The following GATAD2B variants were observed in gnomAD, a reference collection of about 807,000 sequenced individuals.
GATAD2B encodes GATA zinc finger domain containing 2B, also known as transcriptional repressor p66-beta.
A neutral mutation model predicts 64.3 loss-of-function variants in GATAD2B; 8 were observed. The observed-to-expected ratio is 0.12, with a 90% CI of 0.07 to 0.22. GATAD2B has a LOEUF of 0.22. Among genes scored for constraint, GATAD2B ranks in the 10% least tolerant of loss-of-function variants. The probability of loss-of-function intolerance (pLI) is 1.00; values close to 1 mark genes in which losing one functional copy is unlikely to be tolerated. For synonymous variants in GATAD2B, 281 were observed against 271.3 expected (o/e 1.04, Z -0.35); for missense variants, 453 against 752.0 (o/e 0.60, Z 4.65).
intron 1 of GATAD2B, among the ~76,000 whole-genome samples, chr1:153,837,349 A>G (rs968044981): frequency 7.3e-6 from 1 of 137,324 alleles, no homozygotes. Context: ...CAACAAAAAC[A>G]AACAAAAAAC....
chr1:153,870,313 G>C (rs1025091847), intron 1 of GATAD2B, among the ~76,000 whole-genome samples: 1 of 152,134 alleles, frequency 6.6e-6, no homozygotes, highest in Admixed American at 6.6e-5. Flanking sequence ...GCTCACGCCT[G>C]TAATTCCAGC....
intron 2 of GATAD2B, among the ~76,000 whole-genome samples, chr1:153,825,714 G>A (rs969524938): frequency 3.3e-5 from 5 of 152,110 alleles, no homozygotes; most frequent in Admixed American, 1.3e-4. Flanking sequence ...GTGAGCCACC[G>A]CTTACTAAGA....
At chr1:153,863,537 T>C (rs1676382774) in intron 1 of GATAD2B, among the ~76,000 whole-genome samples, 1 of 150,048 alleles carries the variant, frequency 6.7e-6, no homozygotes, top group African/African-American at 2.4e-5. Context: ...AACAGGAAAG[T>C]AAGCAATCTA....
chr1:153,833,990 GT>G (rs375520483), intron 1 of GATAD2B, among the ~76,000 whole-genome samples: 3 of 147,358 alleles, frequency 2.0e-5, no homozygotes, highest in Admixed American at 6.8e-5. Flanking sequence ...TTTTTTTTAT[GT>G]TTTTTTTTGG....
At chr1:153,818,019 A>T (rs72694221) in intron 5 of GATAD2B, 21 bp downstream of exon 5, 39 of 1,569,358 alleles carry the variant, frequency 2.5e-5, no homozygotes, top group Non-Finnish European at 3.2e-5. Flanking sequence ...CAACACTAAG[A>T]TCCCACTATG....
intron 1 of GATAD2B, among the ~76,000 whole-genome samples, chr1:153,902,452 A>G (rs1305395520): frequency 6.6e-6 from 1 of 152,016 alleles, no homozygotes; most frequent in Non-Finnish European, 1.5e-5. Flanking sequence ...TAGTATTATA[A>G]TTATTGTATT....
At chr1:153,878,245 T>C (rs968008108) in intron 1 of GATAD2B, among the ~76,000 whole-genome samples, 83 of 151,528 alleles carry the variant, frequency 5.5e-4, no homozygotes, top group African/African-American at 1.9e-3. Flanking sequence ...CATGGCTCAC[T>C]GCAGCCTCCC....
intron 1 of GATAD2B, among the ~76,000 whole-genome samples, chr1:153,896,131 G>C (rs1677586985): frequency 6.6e-6 from 1 of 152,050 alleles, no homozygotes; most frequent in South Asian, 2.1e-4. Flanking sequence ...CTGCACTCCA[G>C]CCTGGGCAAC....
rs115019619 is a variant in GATAD2B at position 153,897,636 on chromosome 1, G to A, written c.-2+25097C>T. 1.4e-3 allele frequency among the ~76,000 whole-genome samples: 214 copies of A among 152,188 alleles called. 1 individual carries two copies. The highest frequency in any genetic ancestry group is 4.9e-3 in the African/African-American group (202 of 41,526). On this transcript the variant is annotated intron_variant, in intron 1 of 10. Transcript: ENST00000368655. Reference sequence around the variant, plus strand: ...TACATTATATTGCTCTAAAGTGTAAGTTTCTGCTTAAGAAAAATTTCTTCT... The same window carrying A: ...TACATTATATTGCTCTAAAGTGTAAATTTCTGCTTAAGAAAAATTTCTTCT...
At chr1:153,886,245 G>A (rs866103030) in intron 1 of GATAD2B, among the ~76,000 whole-genome samples, 5 of 152,150 alleles carry the variant, frequency 3.3e-5, no homozygotes, top group African/African-American at 4.8e-5. Context: ...TGATTTCACC[G>A]TTGTGTGAAC....
chr1:153,849,405 C>T (rs1675808780), intron 1 of GATAD2B, among the ~76,000 whole-genome samples: 1 of 152,196 alleles, frequency 6.6e-6, no homozygotes, highest in African/African-American at 2.4e-5. Context: ...TAAATTTCAA[C>T]ATGAATTTTG....
intron 3 of GATAD2B, 101 bp from the exon 4 acceptor site, chr1:153,819,023 C>A: frequency 8.3e-7 from 1 of 1,207,760 alleles, no homozygotes; most frequent in Non-Finnish European, 1.2e-6. Context: ...CTTCATCTTC[C>A]ACAAGAAGCA....
At position 153,816,683 on chromosome 1, in the gene GATAD2B, G is replaced by T; in HGVS notation, c.901-95C>A. 1.3e-6 allele frequency: 1 copy of T among 772,858 alleles called. No individual in the cohort carries two copies. Among genetic ancestry groups the T allele is most frequent in the Non-Finnish European group, 2.1e-6 (1 of 474,058 alleles). 47.9% of individuals were successfully genotyped at this position (772,858 alleles called of 1,614,324 possible). A position where few individuals can be genotyped will look rare whatever the true frequency, so the allele number is the denominator to read the frequency against. On this transcript the variant is annotated intron_variant, in intron 6 of 10. Coordinates refer to ENST00000368655, the MANE Select transcript of GATAD2B (RefSeq NM_020699.4). The surrounding 1 kb of genome is among the most constrained non-coding windows in gnomAD (Gnocchi z 4.9). ...GAGGACACTGTCTGATCCTGGTTTG[G>T]ACTACTTAGCTTCTCCAAAAATAGG...
At chr1:153,836,339 C>A (rs1322479302) in intron 1 of GATAD2B, among the ~76,000 whole-genome samples, 1 of 150,870 alleles carries the variant, frequency 6.6e-6, no homozygotes, top group African/African-American at 2.4e-5. Flanking sequence ...CACTGCAAGC[C>A]TCCCAGGTTC....
chr1:153,869,709 G>GC (rs1676597719), intron 1 of GATAD2B, among the ~76,000 whole-genome samples: 2 of 152,234 alleles, frequency 1.3e-5, no homozygotes, highest in South Asian at 2.1e-4. Flanking sequence ...CTGCTAGGTG[G>GC]TGTCACTACT....
intron 1 of GATAD2B, among the ~76,000 whole-genome samples, chr1:153,877,003 G>A (rs1379191245): frequency 2.6e-5 from 4 of 151,966 alleles, no homozygotes; most frequent in East Asian, 1.9e-4. Flanking sequence ...GGTGAAAGGC[G>A]AGACTCCGCC....
At chr1:153,819,772 A>C (rs750861381) in intron 2 of GATAD2B, 37 bp from the exon 3 acceptor site, 2 of 1,563,570 alleles carry the variant, frequency 1.3e-6, no homozygotes, top group Non-Finnish European at 1.7e-6. Context: ...TATTTCCAAC[A>C]AAAGTTAAGA....
intron 1 of GATAD2B, among the ~76,000 whole-genome samples, chr1:153,881,905 G>A (rs1677023001): frequency 6.6e-6 from 1 of 151,962 alleles, no homozygotes; most frequent in Non-Finnish European, 1.5e-5. Flanking sequence ...GCCCCCATGC[G>A]TGCCAGCCCC....
At chr1:153,839,087 T>TGAC (rs1445609701) in intron 1 of GATAD2B, among the ~76,000 whole-genome samples, 1 of 111,042 alleles carries the variant, frequency 9.0e-6, no homozygotes, top group Non-Finnish European at 1.6e-5. Context: ...CCAGCCTGGG[T>TGAC]GACAGAACGA....
Sources: allele counts gnomAD v4.1 joint callset (sites outside exome capture counted in the v4.1 genomes callset), GRCh38; gene constraint gnomAD v4.1.1; non-coding constraint Gnocchi (gnomAD v3.1); transcripts MANE v1.5; gene names NCBI Gene and HGNC (gene_info 2026-07-23, HGNC 2026-07-21).